The following ESRP1 variants were observed in gnomAD, a reference collection of about 807,000 sequenced individuals.
ESRP1 encodes the protein RNA-binding motif protein 35A.
Under a neutral mutation model 81.7 loss-of-function variants are expected in ESRP1, and 33 were observed. The observed-to-expected ratio is 0.40, with a 90% CI of 0.31 to 0.54. The LOEUF (loss-of-function observed/expected upper bound fraction) is 0.54. ESRP1 is among the 20% of genes least tolerant of loss of function. ESRP1 has a pLI of 0.41. For synonymous variants in ESRP1, 320 were observed against 303.3 expected (o/e 1.06, Z -0.57); for missense variants, 672 against 833.1 (o/e 0.81, Z 2.38).
chr8:94,688,712 G>A (rs140178424), intron 13 of ESRP1: 68 of 167,640 alleles, frequency 4.1e-4, no homozygotes, highest in African/African-American at 1.6e-3. Flanking sequence ...GTTACATTCC[G>A]TGGGTCTATA....
At chr8:94,657,880 A>C (rs1165368762) in intron 4 of ESRP1, among the ~76,000 whole-genome samples, 1 of 152,184 alleles carries the variant, frequency 6.6e-6, no homozygotes, top group Non-Finnish European at 1.5e-5. Context: ...CCCATCAGCC[A>C]GGTGACTGGG....
At chr8:94,691,859 C>T (rs973075863) in intron 13 of ESRP1, among the ~76,000 whole-genome samples, 1 of 151,928 alleles carries the variant, frequency 6.6e-6, no homozygotes, top group African/African-American at 2.4e-5. Context: ...TTATATTAAA[C>T]TATATATTAT....
At chr8:94,643,495 C>A in intron 3 of ESRP1, 79 bp downstream of exon 3, 2 of 832,446 alleles carry the variant, frequency 2.4e-6, no homozygotes, top group South Asian at 1.5e-5. Context: ...TTGGTTTATT[C>A]AAGTTTCTCT....
At position 94,644,659 on chromosome 8, in the gene ESRP1, C is replaced by T. The variant is rs144587753; in HGVS notation, c.375+1243C>T. Among the ~76,000 whole-genome samples the T allele has an allele frequency of 3.4e-3, 520 of 152,250 alleles. 4 individuals are homozygous for T. The highest frequency in any genetic ancestry group is 0.012 in the African/African-American group (484 of 41,554). ...TCCCTGTTGGGCCAGAGGAAAATAGCTGTTTTCATTATTTAGGTGGAGTGC... is the reference window on the plus strand; with the variant it reads ...TCCCTGTTGGGCCAGAGGAAAATAGTTGTTTTCATTATTTAGGTGGAGTGC... On this transcript the variant is annotated intron_variant, in intron 3 of 15. Coordinates refer to ENST00000433389, the MANE Select transcript of ESRP1 (RefSeq NM_017697.4).
chr8:94,642,978 G>A (rs73697527), intron 2 of ESRP1, among the ~76,000 whole-genome samples: 3,181 of 152,312 alleles, frequency 0.021, 93 homozygotes, highest in African/African-American at 0.071. Flanking sequence ...AGTAACACTA[G>A]GGAATGATGT....
At chr8:94,689,249 CAAAAAAA>C (rs56220336) in intron 13 of ESRP1, among the ~76,000 whole-genome samples, 16 of 98,846 alleles carry the variant, frequency 1.6e-4, no homozygotes, top group South Asian at 1.2e-3. Flanking sequence ...ACTCAGTCTC[CAAAAAAA>C]AAAAAAAAAA....
chr8:94,646,179 A>G lies in ESRP1; in HGVS notation c.387A>G (p.Leu129=), dbSNP rs76736071. The change falls in exon 4 of 16, where the codon TTA becomes TTG. Residue 129 remains leucine, a synonymous_variant. Transcript: ENST00000433389. ...HPEASKKNVL[L]PECFYSFFDL... is the part of the protein sequence containing the mutation. Reference sequence around the variant, plus strand: ...TTGTCCTTCCTCAGAATGTACTATTACCTGAATGCTTCTATTCCTTTTTTG... The same window carrying G: ...TTGTCCTTCCTCAGAATGTACTATTGCCTGAATGCTTCTATTCCTTTTTTG... 3.2e-3 allele frequency: 5,096 copies of G among 1,604,072 alleles called. 147 individuals carry two copies. In the African/African-American group the frequency reaches 0.06, roughly 19 times the overall value.
At chr8:94,682,612 C>T (rs1044271933) in intron 13 of ESRP1, among the ~76,000 whole-genome samples, 13 of 123,742 alleles carry the variant, frequency 1.1e-4, no homozygotes, top group Middle Eastern at 4.0e-3. Context: ...AGCAATCTTC[C>T]CACGTCAGCC....
At chr8:94,645,952 A>C (rs1360689065) in intron 3 of ESRP1, among the ~76,000 whole-genome samples, 1 of 152,202 alleles carries the variant, frequency 6.6e-6, no homozygotes, top group Non-Finnish European at 1.5e-5. Context: ...ATTGTAATCC[A>C]CTGCCTTAAA....
chr8:94,690,321 T>G (rs1187360154), intron 13 of ESRP1, among the ~76,000 whole-genome samples: 1 of 122,230 alleles, frequency 8.2e-6, no homozygotes, highest in South Asian at 2.5e-4. Flanking sequence ...TTAGTGGAGA[T>G]GGGATTTCAC....
At chr8:94,655,085 G>T (rs953848660) in intron 4 of ESRP1, among the ~76,000 whole-genome samples, 4 of 147,902 alleles carry the variant, frequency 2.7e-5, no homozygotes, top group African/African-American at 5.1e-5. Flanking sequence ...GTGTGTGTGT[G>T]TGTTTTGTTT....
At chr8:94,665,934 CGTA>C (rs1459957221) in intron 9 of ESRP1, among the ~76,000 whole-genome samples, 1 of 152,096 alleles carries the variant, frequency 6.6e-6, no homozygotes. Context: ...TTTTGGGTCT[CGTA>C]GTATTTTTGG....
chr8:94,705,977 A>C lies in ESRP1; in HGVS notation c.*88A>C. 6.6e-7 allele frequency: 1 copy of C among 1,523,212 alleles called. No individual in the cohort carries two copies. 94.4% of individuals were successfully genotyped at this position (1,523,212 alleles called of 1,614,324 possible). On this transcript the variant is annotated 3_prime_UTR_variant, in exon 16 of 16. Coordinates refer to ENST00000433389, the MANE Select transcript of ESRP1 (RefSeq NM_017697.4). ...AACCTCCAGACACAAGAAAACTTCTAGCAAATTCAGGGGAAGTTTGTCTAC... is the reference window on the plus strand; with the variant it reads ...AACCTCCAGACACAAGAAAACTTCTCGCAAATTCAGGGGAAGTTTGTCTAC...
At chr8:94,681,140 A>G (rs149362593) in intron 13 of ESRP1, among the ~76,000 whole-genome samples, 1,568 of 151,576 alleles carry the variant, frequency 0.01, 32 homozygotes, top group African/African-American at 0.036. Context: ...CCTGGCTAAC[A>G]TGGTGAAACC....
intron 10 of ESRP1, 62 bp downstream of exon 10, chr8:94,668,312 A>G: frequency 7.2e-7 from 1 of 1,392,858 alleles, no homozygotes; most frequent in Non-Finnish European, 9.7e-7. Flanking sequence ...ATCTCTGAAA[A>G]TAGTCCTACA....
intron 15 of ESRP1, among the ~76,000 whole-genome samples, chr8:94,699,422 C>A (rs1809728757): frequency 6.6e-6 from 1 of 152,084 alleles, no homozygotes; most frequent in South Asian, 2.1e-4. Flanking sequence ...GGGCAGATCA[C>A]TTAAGCCCTA....
At chr8:94,681,344 A>C (rs994691649) in intron 13 of ESRP1, among the ~76,000 whole-genome samples, 5 of 146,702 alleles carry the variant, frequency 3.4e-5, no homozygotes, top group African/African-American at 1.3e-4. Flanking sequence ...AAAAAAAAAA[A>C]AAAAAAAAAC....
intron 4 of ESRP1, among the ~76,000 whole-genome samples, chr8:94,647,262 G>T (rs1817898814): frequency 6.6e-6 from 1 of 152,164 alleles, no homozygotes; most frequent in Non-Finnish European, 1.5e-5. Context: ...ATGACCAGTA[G>T]TGTTGGGAAG....
chr8:94,641,286 C>G lies in ESRP1; in HGVS notation c.-33C>G. ...ACTTCCACACCACCTTACCGCCTCC[C>G]GACCCCCCCTCTCCCCCTCCCCACC... On this transcript the variant is annotated 5_prime_UTR_variant, in exon 1 of 16. Coordinates refer to ENST00000433389, the MANE Select transcript of ESRP1 (RefSeq NM_017697.4). The G allele has an allele frequency of 6.3e-7, 1 of 1,585,638 alleles. No homozygotes were observed. The highest frequency in any genetic ancestry group is 8.6e-7 in the Non-Finnish European group (1 of 1,158,524).
Sources: allele counts gnomAD v4.1 joint callset (sites outside exome capture counted in the v4.1 genomes callset), GRCh38; gene constraint gnomAD v4.1.1; transcripts MANE v1.5; gene names NCBI Gene and HGNC (gene_info 2026-07-23, HGNC 2026-07-21).